The following GPR141 variants were observed in gnomAD, a reference collection of about 807,000 sequenced individuals.
GPR141 encodes the protein probable G protein-coupled receptor 141.
A neutral mutation model predicts 6.8 loss-of-function variants in GPR141; 6 were observed. That is an observed-to-expected ratio of 0.88 (90% CI 0.48 to 1.74). GPR141 has a LOEUF of 1.74. Among genes scored for constraint, GPR141 ranks in the 40% most tolerant of loss-of-function variants. GPR141 has a pLI of 0.01. For synonymous variants in GPR141, 140 were observed against 142.3 expected (o/e 0.98, Z 0.11); for missense variants, 372 against 372.9 (o/e 1.00, Z 0.02).
chr7:37,714,858 A>G (rs1260194308), intron 2 of GPR141, among the ~76,000 whole-genome samples: 1 of 152,184 alleles, frequency 6.6e-6, no homozygotes, highest in African/African-American at 2.4e-5. Context: ...CTTCCCATTC[A>G]TCTGTGTCTC....
At position 37,740,115 on chromosome 7, in the gene GPR141, T is replaced by C. The variant is rs1052532125; in HGVS notation, c.-14-265T>C. The stretch of plus-strand genomic sequence containing the variant: ...TCCTCCTGAAGTTTTATGTAAATTG[T>C]CTTATCTACATACATCTCTCTGGGG... On this transcript the variant is annotated intron_variant, in intron 2 of 2. Transcript: ENST00000334425. Among the ~76,000 whole-genome samples the C allele has an allele frequency of 3.9e-5, 6 of 152,186 alleles. No homozygotes were observed. In the East Asian group the frequency reaches 1.2e-3, roughly 29 times the overall value.
At chr7:37,707,975 A>G (rs1037001474) in intron 2 of GPR141, among the ~76,000 whole-genome samples, 1 of 152,202 alleles carries the variant, frequency 6.6e-6, no homozygotes, top group African/African-American at 2.4e-5. Context: ...ACTGCCTCTC[A>G]AAACAGAGTG....
intron 2 of GPR141, among the ~76,000 whole-genome samples, chr7:37,687,464 G>GATACAAAGCAAATTATATT (rs1186188635): frequency 2.0e-5 from 3 of 152,124 alleles, no homozygotes; most frequent in African/African-American, 7.2e-5. Context: ...TTTGCTTTGG[G>GATACAAAGCAAATTATATT]ATACAATTAT....
chr7:37,721,405 G>A (rs556014758), intron 2 of GPR141, among the ~76,000 whole-genome samples: 6 of 152,206 alleles, frequency 3.9e-5, no homozygotes, highest in African/African-American at 1.2e-4. Context: ...AGATGTGCCC[G>A]TTATTGGTGA....
chr7:37,700,611 T>C (rs1241635109), intron 2 of GPR141, among the ~76,000 whole-genome samples: 1 of 152,148 alleles, frequency 6.6e-6, no homozygotes, highest in Non-Finnish European at 1.5e-5. Context: ...TACAAACATA[T>C]ATAGGTAACT....
intron 2 of GPR141, among the ~76,000 whole-genome samples, chr7:37,699,388 C>T (rs1810170817): frequency 6.6e-6 from 1 of 152,100 alleles, no homozygotes; most frequent in African/African-American, 2.4e-5. Flanking sequence ...GGTGAAACCC[C>T]ATTTCTACTA....
chr7:37,720,424 GT>G (rs1484152170), intron 2 of GPR141, among the ~76,000 whole-genome samples: 1 of 152,176 alleles, frequency 6.6e-6, no homozygotes, highest in East Asian at 1.9e-4. Flanking sequence ...AAAGCAGAGA[GT>G]TAAGTACTTA....
In GPR141 at chr7:37,740,517, C is replaced by A. The variant is rs1489889195; in HGVS notation, c.124C>A (p.Leu42Met). ...GGGTGTCATTTCCATTCTTTTCCTC[C>A]TGGTGAAAATGAACACCCGGTCAGT... ...LVGVISILFL[L>M]VKMNTRSVTT... is the part of the protein sequence containing the mutation. The change falls in exon 3 of 3, where the codon CTG becomes ATG. Residue 42 changes from leucine (L) to methionine (M), a missense_variant. Leu to Met is a conservative substitution (Grantham distance 15). Coordinates refer to ENST00000334425, the MANE Select transcript of GPR141 (RefSeq NM_001381946.1). The A allele has an allele frequency of 6.2e-7, 1 of 1,614,020 alleles. No homozygotes were observed.
At chr7:37,732,840 T>A (rs1812038974) in intron 2 of GPR141, among the ~76,000 whole-genome samples, 1 of 152,222 alleles carries the variant, frequency 6.6e-6, no homozygotes, top group Middle Eastern at 3.2e-3. Context: ...GAGACGCAGA[T>A]AAAACTTAGT....
intron 2 of GPR141, among the ~76,000 whole-genome samples, chr7:37,715,864 G>C (rs550133020): frequency 6.6e-6 from 1 of 152,112 alleles, no homozygotes; most frequent in Non-Finnish European, 1.5e-5. Flanking sequence ...CCTAAAACAA[G>C]AGAATTTGCC....
At chr7:37,734,783 G>T (rs1176023014) in intron 2 of GPR141, among the ~76,000 whole-genome samples, 1 of 152,198 alleles carries the variant, frequency 6.6e-6, no homozygotes, top group Non-Finnish European at 1.5e-5. Flanking sequence ...AGACCTGAAG[G>T]ATTAGTAGAT....
chr7:37,704,586 G>T (rs1231453853), intron 2 of GPR141, among the ~76,000 whole-genome samples: 1 of 152,162 alleles, frequency 6.6e-6, no homozygotes, highest in Non-Finnish European at 1.5e-5. Flanking sequence ...GACACATGGG[G>T]ATTGTAGGGA....
chr7:37,711,494 G>A (rs551600708), intron 2 of GPR141, among the ~76,000 whole-genome samples: 6 of 152,304 alleles, frequency 3.9e-5, no homozygotes, highest in African/African-American at 1.2e-4. Flanking sequence ...TACCTGATGT[G>A]ACAGATAGAG....
chr7:37,688,649 C>T (rs1809624025), intron 2 of GPR141, among the ~76,000 whole-genome samples: 1 of 152,120 alleles, frequency 6.6e-6, no homozygotes. Context: ...TCCACAATTT[C>T]AGGTTCTTCT....
chr7:37,696,085 A>G (rs1323387866), intron 2 of GPR141, among the ~76,000 whole-genome samples: 1 of 152,174 alleles, frequency 6.6e-6, no homozygotes, highest in Non-Finnish European at 1.5e-5. Context: ...CATATAAACA[A>G]TGGTTGACTT....
At chr7:37,733,025 C>T (rs186333532) in intron 2 of GPR141, among the ~76,000 whole-genome samples, 175 of 152,232 alleles carry the variant, frequency 1.1e-3, no homozygotes, top group Middle Eastern at 3.4e-3. Context: ...TGAGTCTGAG[C>T]CAGGGAGCTG....
chr7:37,726,039 T>G (rs1252938253), intron 2 of GPR141, among the ~76,000 whole-genome samples: 1 of 152,218 alleles, frequency 6.6e-6, no homozygotes, highest in Non-Finnish European at 1.5e-5. Context: ...TACTGAGATA[T>G]TCACATACAA....
intron 1 of GPR141, 150 bp from the exon 2 acceptor site, chr7:37,685,310 T>A (rs1486664086): frequency 6.6e-6 from 1 of 152,202 alleles, no homozygotes; most frequent in Non-Finnish European, 1.5e-5. Context: ...TAAGTGTGTG[T>A]TTTTCTTTTC....
At chr7:37,732,820 A>C (rs964030690) in intron 2 of GPR141, among the ~76,000 whole-genome samples, 10 of 152,274 alleles carry the variant, frequency 6.6e-5, no homozygotes, top group Non-Finnish European at 1.2e-4. Flanking sequence ...TGGTTCATGC[A>C]GAATCTCCTG....
Sources: allele counts gnomAD v4.1 joint callset (sites outside exome capture counted in the v4.1 genomes callset), GRCh38; gene constraint gnomAD v4.1.1; transcripts MANE v1.5; gene names NCBI Gene and HGNC (gene_info 2026-07-23, HGNC 2026-07-21).